Variants in MAGI2 observed in about 807,000 individuals in gnomAD.
MAGI2 encodes the protein membrane-associated guanylate kinase, WW and PDZ domain-containing protein 2.
A neutral mutation model predicts 133.3 loss-of-function variants in MAGI2; 35 were observed. That is an observed-to-expected ratio of 0.26 (90% confidence interval 0.20 to 0.35). The LOEUF (loss-of-function observed/expected upper bound fraction) is 0.35. Among genes scored for constraint, MAGI2 ranks in the 10% least tolerant of loss-of-function variants. The pLI is 1.00. For missense variants in MAGI2, 1,636 were observed against 1,863.4 expected (o/e 0.88, Z 2.25); for synonymous variants, 729 against 710.6 (o/e 1.03, Z -0.41).
intron 6 of MAGI2, among the ~76,000 whole-genome samples, chr7:78,383,771 T>G (rs1795134319): frequency 6.6e-6 from 1 of 152,110 alleles, no homozygotes; most frequent in Non-Finnish European, 1.5e-5. Flanking sequence ...GAGTTGATTT[T>G]TGTATATAGT....
rs752047328 is a variant in MAGI2, at chr7:78,501,748, C to G, written c.794G>C (p.Gly265Ala). Reference sequence around the variant, plus strand: ...AGGATAAGGCTGGGAGGGCATCTCCCCTGAGGCACCTGCACTTTTGTCTTC... The same window carrying G: ...AGGATAAGGCTGGGAGGGCATCTCCGCTGAGGCACCTGCACTTTTGTCTTC... The part of the protein sequence containing the change: ...EHEDKSAGAS[G>A]EMPSQPYPAP... The change falls in exon 5 of 22, where the codon GGG (glycine) becomes GCG (alanine). Residue 265 changes from glycine to alanine, a missense_variant. Transcript: ENST00000354212. 1.6e-5 allele frequency: 26 copies of G among 1,613,950 alleles called. No individual in the cohort carries two copies. The highest frequency in any genetic ancestry group is 3.4e-6 in the Non-Finnish European group (4 of 1,180,006).
chr7:79,136,080 A>AGAAG (rs1161340417), intron 1 of MAGI2, among the ~76,000 whole-genome samples: 78 of 128,214 alleles, frequency 6.1e-4, no homozygotes, highest in African/African-American at 2.4e-3. Context: ...AAAGAAAGAA[A>AGAAG]GAAAGAAAGA....
intron 20 of MAGI2, among the ~76,000 whole-genome samples, chr7:78,082,233 G>A (rs1031599690): frequency 6.6e-6 from 1 of 152,216 alleles, no homozygotes; most frequent in Admixed American, 6.5e-5. Flanking sequence ...TCATTCACTT[G>A]TGTGTTTATT....
intron 2 of MAGI2, among the ~76,000 whole-genome samples, chr7:78,842,828 G>T (rs1370612714): frequency 6.6e-6 from 1 of 151,434 alleles, no homozygotes; most frequent in African/African-American, 2.4e-5. Context: ...ATTGTAAGTA[G>T]TACAATAACT....
intron 1 of MAGI2, among the ~76,000 whole-genome samples, chr7:79,131,118 A>G (rs1212211197): frequency 6.6e-6 from 1 of 152,146 alleles, no homozygotes; most frequent in African/African-American, 2.4e-5. Context: ...AGGGAACACA[A>G]AGTCTTCATA....
chr7:79,400,631 G>A (rs1257242117), intron 1 of MAGI2, among the ~76,000 whole-genome samples: 1 of 152,118 alleles, frequency 6.6e-6, no homozygotes, highest in Non-Finnish European at 1.5e-5. Context: ...CCCTTGTCAT[G>A]ATATACATTG....
At chr7:78,742,904 C>T (rs975968311) in intron 2 of MAGI2, among the ~76,000 whole-genome samples, 2 of 152,128 alleles carry the variant, frequency 1.3e-5, no homozygotes, top group Admixed American at 6.5e-5. Flanking sequence ...GGCCTCTGAC[C>T]AAACTAACCC....
chr7:79,050,003 C>T (rs1812525214), intron 1 of MAGI2, among the ~76,000 whole-genome samples: 1 of 152,144 alleles, frequency 6.6e-6, no homozygotes, highest in Admixed American at 6.5e-5. Flanking sequence ...GGCTGTTACT[C>T]AGGGAGCCTC....
chr7:79,423,675 C>A (rs1847134243), intron 1 of MAGI2, among the ~76,000 whole-genome samples: 1 of 151,954 alleles, frequency 6.6e-6, no homozygotes, highest in African/African-American at 2.4e-5. Flanking sequence ...TTGAAGATAT[C>A]TGATGTTTGA....
intron 1 of MAGI2, among the ~76,000 whole-genome samples, chr7:79,441,174 T>A (rs1476045818): frequency 6.6e-6 from 1 of 152,216 alleles, no homozygotes; most frequent in Non-Finnish European, 1.5e-5. Context: ...CTTACCAGTG[T>A]TATAAACATG....
intron 2 of MAGI2, among the ~76,000 whole-genome samples, chr7:78,653,529 C>G (rs972056910): frequency 6.6e-6 from 1 of 151,916 alleles, no homozygotes; most frequent in Non-Finnish European, 1.5e-5. Flanking sequence ...CAAACTAACA[C>G]AGGAACAGAA....
chr7:79,363,275 A>G (rs1842476387), intron 1 of MAGI2, among the ~76,000 whole-genome samples: 1 of 150,178 alleles, frequency 6.7e-6, no homozygotes, highest in African/African-American at 2.4e-5. Context: ...TCAAATAAAT[A>G]CATGCTGATT....
intron 2 of MAGI2, among the ~76,000 whole-genome samples, chr7:78,913,813 T>TA (rs151135126): frequency 6.6e-6 from 1 of 152,262 alleles, no homozygotes; most frequent in Non-Finnish European, 1.5e-5. Flanking sequence ...GACATTTTTT[T>TA]AAAAAAGGAA....
At chr7:79,422,494 TGTC>T (rs1847036362) in intron 1 of MAGI2, among the ~76,000 whole-genome samples, 1 of 151,960 alleles carries the variant, frequency 6.6e-6, no homozygotes, top group Non-Finnish European at 1.5e-5. Context: ...AAATGTAAAA[TGTC>T]AGAAATATAC....
chr7:78,282,095 T>C (rs931841719), intron 9 of MAGI2, among the ~76,000 whole-genome samples: 4 of 152,126 alleles, frequency 2.6e-5, no homozygotes, highest in African/African-American at 9.7e-5. Context: ...AGATGATATA[T>C]GGGAAGGTAT....
intron 10 of MAGI2, among the ~76,000 whole-genome samples, chr7:78,247,370 C>T (rs575816068): frequency 1.8e-4 from 28 of 152,150 alleles, no homozygotes; most frequent in African/African-American, 4.1e-4. Context: ...CTTTTTCAGC[C>T]GGCATACTAA....
chr7:78,560,258 T>TGG (rs1800269952), intron 3 of MAGI2, among the ~76,000 whole-genome samples: 2 of 152,176 alleles, frequency 1.3e-5, no homozygotes, highest in Admixed American at 1.3e-4. Context: ...ATTTTCAACA[T>TGG]GGTGAGTTTG....
chr7:78,386,559 G>T (rs1398028846), intron 6 of MAGI2, among the ~76,000 whole-genome samples: 1 of 152,166 alleles, frequency 6.6e-6, no homozygotes, highest in East Asian at 1.9e-4. Flanking sequence ...CAGTTACCTG[G>T]CATGTAAAGA....
chr7:79,453,329 G>A lies in MAGI2; in HGVS notation c.-9C>T. ...TTCAAGCTTTTGGACATGGCAGTGGGGCGAGTCGCCTCAGTTCCTGGGCTC... is the reference window on the plus strand; with the variant it reads ...TTCAAGCTTTTGGACATGGCAGTGGAGCGAGTCGCCTCAGTTCCTGGGCTC... On this transcript the variant is annotated 5_prime_UTR_variant, in exon 1 of 22. Coordinates refer to ENST00000354212, the MANE Select transcript of MAGI2 (RefSeq NM_012301.4). The A allele has an allele frequency of 1.3e-6, 2 of 1,597,768 alleles. No homozygotes were observed. Among genetic ancestry groups the A allele is most frequent in the South Asian group, 1.1e-5 (1 of 89,196 alleles).
Sources: gnomAD v4.1 joint callset for allele counts (sites outside exome capture counted in the v4.1 genomes callset) on GRCh38, gnomAD v4.1.1 for gene constraint, MANE v1.5 for transcripts, NCBI Gene and HGNC (gene_info 2026-07-23, HGNC 2026-07-21) for gene names.